The following COL5A2 variants were observed in gnomAD, a reference collection of about 807,000 sequenced individuals.
COL5A2 encodes collagen alpha-2(V) chain.
Under a neutral mutation model 208.2 loss-of-function variants are expected in COL5A2, and 23 were observed. The observed-to-expected ratio is 0.11, with a 90% CI of 0.08 to 0.16. The LOEUF is 0.16. Ranked by LOEUF, COL5A2 falls within the 10% of genes least tolerant of loss-of-function variation. COL5A2 has a pLI of 1.00. For missense variants in COL5A2, 1,590 were observed against 1,956.4 expected, an observed-to-expected ratio of 0.81 and a Z score of 3.53; for synonymous variants, 625 against 628.5, an observed-to-expected ratio of 0.99 and a Z score of 0.08.
the COL5A2 span, among the ~76,000 whole-genome samples, chr2:189,244,610 C>A: frequency 2.0e-5 from 3 of 152,206 alleles, no homozygotes; most frequent in South Asian, 2.1e-4. Context: ...ATTTAATTGT[C>A]CACATTATTA....
chr2:189,402,381 T>G, the COL5A2 span, among the ~76,000 whole-genome samples: 1 of 152,038 alleles, frequency 6.6e-6, no homozygotes, highest in East Asian at 1.9e-4. Context: ...CCACACCCAG[T>G]TAATTTTTGA....
chr2:189,381,141 G>T, the COL5A2 span, among the ~76,000 whole-genome samples: 1 of 152,002 alleles, frequency 6.6e-6, no homozygotes, highest in Non-Finnish European at 1.5e-5. Flanking sequence ...GTGGATGAAG[G>T]AAGAGTACTC....
At chr2:189,226,119 CT>C (rs1373751309), upstream of COL5A2, among the ~76,000 whole-genome samples, 5 of 152,082 alleles carry the variant, frequency 3.3e-5, no homozygotes, top group Non-Finnish European at 5.9e-5. Flanking sequence ...AATAAAAGTG[CT>C]TAATAAATAG....
intron 49 of COL5A2, among the ~76,000 whole-genome samples, 158 bp from the exon 50 acceptor site, chr2:189,041,851 A>C (rs1366692003): frequency 6.6e-6 from 1 of 152,248 alleles, no homozygotes; most frequent in African/African-American, 2.4e-5. Context: ...ACTTTGTAAC[A>C]TTTATGATTT....
At position 189,079,968 on chromosome 2, in the gene COL5A2, A is replaced by G. The variant is rs1362138882; in HGVS notation, c.960+10T>C. 2.5e-6 allele frequency: 4 copies of G among 1,609,794 alleles called. No homozygotes were observed. The highest frequency in any genetic ancestry group is 3.3e-4 in the Middle Eastern group (2 of 6,038). ...AAAGTGAGGTTACAGTGAGATAATT[A>G]TAAGATTACCTTGGAACCAGGTGCT... On this transcript the variant is annotated intron_variant, in intron 14 of 53. Coordinates refer to ENST00000374866, the MANE Select transcript of COL5A2 (RefSeq NM_000393.5).
the COL5A2 span, among the ~76,000 whole-genome samples, chr2:189,251,998 G>C: frequency 3.9e-5 from 6 of 152,066 alleles, no homozygotes; most frequent in Non-Finnish European, 5.9e-5. Flanking sequence ...GCAGCCAAAA[G>C]ACACATGAAA....
At chr2:189,366,298 C>T in the COL5A2 span, among the ~76,000 whole-genome samples, 55 of 152,306 alleles carry the variant, frequency 3.6e-4, no homozygotes, top group Non-Finnish European at 4.1e-4. Context: ...GAATTAATTG[C>T]TTCCATGAAC....
the COL5A2 span, among the ~76,000 whole-genome samples, chr2:189,417,159 T>C: frequency 1.3e-5 from 2 of 152,194 alleles, no homozygotes; most frequent in South Asian, 2.1e-4. Flanking sequence ...ATTGTTTTGA[T>C]GTTGCGATTA....
At chr2:189,288,020 C>G in the COL5A2 span, among the ~76,000 whole-genome samples, 1 of 151,846 alleles carries the variant, frequency 6.6e-6, no homozygotes, top group Non-Finnish European at 1.5e-5. Flanking sequence ...AGCAACAGCA[C>G]TGGAGAATTC....
At chr2:189,041,555 A>AAAGG (rs1409508425) in intron 50 of COL5A2, 31 bp downstream of exon 50, 2 of 1,494,574 alleles carry the variant, frequency 1.3e-6, no homozygotes, top group Non-Finnish European at 1.9e-6. Flanking sequence ...AATAAATAGC[A>AAAGG]TTTCTTGCAT....
At chr2:189,136,117 G>A (rs1576549097) in intron 1 of COL5A2, among the ~76,000 whole-genome samples, 2 of 152,184 alleles carry the variant, frequency 1.3e-5, no homozygotes, top group East Asian at 3.8e-4. Context: ...TCTCAGCACT[G>A]AAAGTGCAGA....
At chr2:189,235,106 A>G in the COL5A2 span, among the ~76,000 whole-genome samples, 1 of 151,748 alleles carries the variant, frequency 6.6e-6, no homozygotes, top group East Asian at 1.9e-4. Flanking sequence ...TTTGCATGTC[A>G]CATATATCAA....
chr2:189,388,862 C>A, the COL5A2 span, among the ~76,000 whole-genome samples: 1 of 152,094 alleles, frequency 6.6e-6, no homozygotes, highest in Non-Finnish European at 1.5e-5. Flanking sequence ...TTTCTAAGCA[C>A]ATTTTATGTT....
At chr2:189,343,878 T>C in the COL5A2 span, among the ~76,000 whole-genome samples, 1 of 152,144 alleles carries the variant, frequency 6.6e-6, no homozygotes, top group Non-Finnish European at 1.5e-5. Flanking sequence ...TCAAAATATA[T>C]AGAAGAGACA....
the COL5A2 span, among the ~76,000 whole-genome samples, chr2:189,379,858 G>A: frequency 6.6e-6 from 1 of 152,100 alleles, no homozygotes. Flanking sequence ...TAAATAAGAT[G>A]AGGGTTTTTT....
At chr2:189,387,638 T>C in the COL5A2 span, among the ~76,000 whole-genome samples, 1 of 152,158 alleles carries the variant, frequency 6.6e-6, no homozygotes, top group Non-Finnish European at 1.5e-5. Flanking sequence ...ACTCAACAAC[T>C]CCACTTCTGG....
chr2:189,043,143 T>C lies in COL5A2; in HGVS notation c.3471+8A>G, dbSNP rs367643805. 1 of 1,604,292 alleles carries C rather than the reference T, an allele frequency of 6.2e-7. No homozygotes were observed. The highest frequency in any genetic ancestry group is 1.7e-5 in the Admixed American group (1 of 59,728). ...CAGGGCAGAATAATACTTAAAGGAA[T>C]AACTTACAGGAGGGCCAGGAAGACC... On this transcript the variant is annotated splice_region_variant and intron_variant, in intron 48 of 53. Transcript: ENST00000374866.
At chr2:189,399,237 A>G in the COL5A2 span, among the ~76,000 whole-genome samples, 1 of 150,308 alleles carries the variant, frequency 6.7e-6, no homozygotes, top group Non-Finnish European at 1.5e-5. Flanking sequence ...TTTATCTTAA[A>G]ATATTTATTT....
At chr2:189,106,216 G>A (rs1200047323) in intron 2 of COL5A2, among the ~76,000 whole-genome samples, 1 of 151,440 alleles carries the variant, frequency 6.6e-6, no homozygotes, top group Non-Finnish European at 1.5e-5. Context: ...GAGAATTTAT[G>A]TGAGTGTAAT....
Sources: gnomAD v4.1 joint callset for allele counts (sites outside exome capture counted in the v4.1 genomes callset) on GRCh38, gnomAD v4.1.1 for gene constraint, MANE v1.5 for transcripts, NCBI Gene and HGNC (gene_info 2026-07-23, HGNC 2026-07-21) for gene names.